The following EEA1 variants were observed in gnomAD, a reference collection of about 807,000 sequenced individuals.
EEA1 encodes early endosome antigen 1, also known as early endosome antigen 1, 162kD.
In EEA1, 111 loss-of-function variants were observed where a neutral mutation model predicts 209.2. That is an observed-to-expected ratio of 0.53 (90% CI 0.45 to 0.62). The LOEUF is 0.62. Among genes scored for constraint, EEA1 ranks in the 20% least tolerant of loss-of-function variants. The pLI, the probability that EEA1 is intolerant of heterozygous loss-of-function variation, is 0.00. For missense variants in EEA1, 1,343 were observed against 1,530.8 expected (o/e 0.88, Z 2.05); for synonymous variants, 536 against 540.6 (o/e 0.99, Z 0.12).
intron 19 of EEA1, among the ~76,000 whole-genome samples, chr12:92,802,116 A>G (rs1157184818): frequency 6.6e-6 from 1 of 152,096 alleles, no homozygotes; most frequent in Non-Finnish European, 1.5e-5. Context: ...CAGATAGAAA[A>G]TGTTTTCTCT....
Position 92,929,075 on chromosome 12 carries a change from C to T in EEA1, c.-9G>A. The T allele has an allele frequency of 6.3e-7, 1 of 1,590,790 alleles. No homozygotes were observed. Among genetic ancestry groups the T allele is most frequent in the Non-Finnish European group, 8.6e-7 (1 of 1,169,456 alleles). On this transcript the variant is annotated 5_prime_UTR_variant, in exon 1 of 29. Transcript: ENST00000322349. ...AAAATCCTCCTTAACATGGTTTAAC[C>T]ACCACCCGGCGCCGCCGCGGTGACT... is the stretch of plus-strand genomic sequence containing the variant.
chr12:92,820,774 T>G (rs77561287), intron 13 of EEA1, among the ~76,000 whole-genome samples: 1 of 61,910 alleles, frequency 1.6e-5, no homozygotes, highest in African/African-American at 4.9e-5. Context: ...TATATATATA[T>G]ACACACACAC....
rs1873421723 is a variant in EEA1 at position 92,771,252 on chromosome 12, A to C, written c.*4759T>G. ...CAAAGTGAAAGTAGTAAATTTATCA[A>C]ATTTGGCTGCAAGACAACTGAAGCC... is the stretch of plus-strand genomic sequence containing the variant. On this transcript the variant is annotated 3_prime_UTR_variant, in exon 29 of 29. Transcript: ENST00000322349. 1 of 152,100 alleles carries C rather than the reference A, an allele frequency of 6.6e-6. No homozygotes were observed. Among genetic ancestry groups the C allele is most frequent in the Non-Finnish European group, 1.5e-5 (1 of 67,954 alleles). The allele number at this position is 152,100 out of a possible 1,614,324, so 9.4% of individuals were successfully genotyped here.
At chr12:92,793,752 G>A (rs568018186) in intron 21 of EEA1, among the ~76,000 whole-genome samples, 1 of 152,160 alleles carries the variant, frequency 6.6e-6, no homozygotes, top group South Asian at 2.1e-4. Context: ...AGCTACCAAT[G>A]ACTTTCTTCA....
chr12:92,921,866 C>CAAAAAAAAAA (rs756583756), intron 1 of EEA1, among the ~76,000 whole-genome samples: 5 of 83,440 alleles, frequency 6.0e-5, no homozygotes, highest in African/African-American at 1.4e-4. Context: ...GACTCTGTCT[C>CAAAAAAAAAA]AAAAAAAAAA....
chr12:92,874,237 C>T (rs1289914360), intron 2 of EEA1, among the ~76,000 whole-genome samples: 1 of 152,076 alleles, frequency 6.6e-6, no homozygotes, highest in Non-Finnish European at 1.5e-5. Flanking sequence ...GGGAGGATCA[C>T]TTGAGCCCAG....
rs1874150568 is a variant in EEA1 at position 92,786,732 on chromosome 12, C to CAAACCACT, written c.3150+1127_3150+1134dup. On this transcript the variant is annotated intron_variant, in intron 22 of 28. Transcript: ENST00000322349. ...TCCCAGGTCCAATCCAAGCTGTCTG[C>CAAACCACT]AAACCACTACCAGGTTGTTTTCTAA... 2.6e-5 allele frequency among the ~76,000 whole-genome samples: 4 copies of CAAACCACT among 152,280 alleles called. No individual in the cohort carries two copies. The South Asian group carries it at 8.3e-4, about 32-fold the overall frequency.
At chr12:92,777,817 C>G in intron 26 of EEA1, 124 bp downstream of exon 26, 1 of 1,228,238 alleles carries the variant, frequency 8.1e-7, no homozygotes, top group Non-Finnish European at 1.1e-6. Flanking sequence ...TAAATGGCTA[C>G]TTAAATACCT....
Position 92,842,464 on chromosome 12 carries a change from C to T in EEA1, c.915+1G>A, listed in dbSNP as rs779725470. On this transcript the variant is annotated splice_donor_variant, in intron 10 of 28. Coordinates refer to ENST00000322349, the MANE Select transcript of EEA1 (RefSeq NM_003566.4). LOFTEE classifies it high-confidence loss of function. ...ATTATATATAGCTTTAAAATTCTCA[C>T]CTGATTTTTTTGTGTTAATTCATTA... The T allele has an allele frequency of 7.6e-6, 11 of 1,454,526 alleles. No homozygotes were observed. The highest frequency in any genetic ancestry group is 9.6e-6 in the Non-Finnish European group (10 of 1,042,632). The allele number at this position is 1,454,526 out of a possible 1,614,324, so 90.1% of individuals were successfully genotyped here.
intron 2 of EEA1, among the ~76,000 whole-genome samples, chr12:92,876,852 A>AT (rs1188386219): frequency 2.0e-5 from 3 of 150,624 alleles, no homozygotes; most frequent in Admixed American, 2.0e-4. Context: ...AAAAAGATAA[A>AT]TAAACAACAA....
chr12:92,919,495 C>CCA (rs1880899630), intron 1 of EEA1, among the ~76,000 whole-genome samples: 2 of 144,038 alleles, frequency 1.4e-5, no homozygotes, highest in Admixed American at 7.0e-5. Flanking sequence ...AAGACAAAAA[C>CCA]CACATGATTA....
intron 16 of EEA1, among the ~76,000 whole-genome samples, chr12:92,812,655 C>T (rs1042686173): frequency 6.6e-6 from 1 of 152,134 alleles, no homozygotes; most frequent in Non-Finnish European, 1.5e-5. Flanking sequence ...ATCACCAACA[C>T]TTGAAGGGAT....
intron 1 of EEA1, among the ~76,000 whole-genome samples, chr12:92,907,389 C>T (rs1027859359): frequency 1.3e-5 from 2 of 152,208 alleles, no homozygotes; most frequent in Non-Finnish European, 2.9e-5. Context: ...CACCCATCTA[C>T]ATTCTCCATC....
chr12:92,894,197 ATGT>A (rs1879773209), intron 1 of EEA1, among the ~76,000 whole-genome samples: 1 of 152,096 alleles, frequency 6.6e-6, no homozygotes, highest in Non-Finnish European at 1.5e-5. Flanking sequence ...TAATTGATAA[ATGT>A]TGTGTGTGTT....
chr12:92,812,302 C>T (rs1875558894), intron 16 of EEA1, among the ~76,000 whole-genome samples: 1 of 151,798 alleles, frequency 6.6e-6, no homozygotes, highest in South Asian at 2.1e-4. Flanking sequence ...GCGCTCCAAC[C>T]TGGGTAACAA....
At chr12:92,882,746 T>C (rs1000392604) in intron 2 of EEA1, among the ~76,000 whole-genome samples, 1 of 152,238 alleles carries the variant, frequency 6.6e-6, no homozygotes, top group Non-Finnish European at 1.5e-5. Context: ...ACAAAGAATA[T>C]GATTTTGTTA....
At chr12:92,815,317 G>A (rs1274421623) in intron 15 of EEA1, among the ~76,000 whole-genome samples, 2 of 152,088 alleles carry the variant, frequency 1.3e-5, no homozygotes, top group Non-Finnish European at 1.5e-5. Context: ...AAGAATCACA[G>A]ACTGCCCTAA....
chr12:92,921,005 T>C (rs902735303), intron 1 of EEA1, among the ~76,000 whole-genome samples: 1 of 151,108 alleles, frequency 6.6e-6, no homozygotes, highest in African/African-American at 2.4e-5. Context: ...AAAATGCTCA[T>C]CATCACTGGC....
chr12:92,796,190 G>A (rs934112784), intron 21 of EEA1, among the ~76,000 whole-genome samples: 7 of 151,820 alleles, frequency 4.6e-5, no homozygotes, highest in African/African-American at 1.7e-4. Flanking sequence ...TAAGCTGCTT[G>A]AAAATAAGGG....
Sources: gnomAD v4.1 joint callset for allele counts (sites outside exome capture counted in the v4.1 genomes callset) on GRCh38, gnomAD v4.1.1 for gene constraint, MANE v1.5 for transcripts, NCBI Gene and HGNC (gene_info 2026-07-23, HGNC 2026-07-21) for gene names.